Variants in PSD observed in about 807,000 individuals in gnomAD.
PSD encodes PH and SEC7 domain-containing protein 1.
In PSD, 32 loss-of-function variants were observed where a neutral mutation model predicts 91.6. That is an observed-to-expected ratio of 0.35 (90% CI 0.26 to 0.47). The LOEUF is 0.47. Among genes scored for constraint, PSD ranks in the 20% least tolerant of loss-of-function variants. PSD has a pLI of 1.00. For missense variants in PSD, 1,099 were observed against 1,373.9 expected (o/e 0.80, Z 3.16); for synonymous variants, 532 against 569.3 (o/e 0.93, Z 0.93).
rs942594301 is a variant in PSD at position 102,410,044 on chromosome 10, C to A, written c.2091+814G>T. The stretch of plus-strand genomic sequence containing the variant: ...CCATGGACGTTCCCTCTCAGATATA[C>A]CCCAAACTCAGAAGCCCAGCACCCC... On this transcript the variant is annotated intron_variant, in intron 10 of 16. Transcript: ENST00000020673. The surrounding 1 kb of genome is among the most constrained non-coding windows in gnomAD (Gnocchi z 6.0). Among the ~76,000 whole-genome samples the A allele has an allele frequency of 3.3e-5, 5 of 152,154 alleles. No homozygotes were observed. The highest frequency in any genetic ancestry group is 7.2e-5 in the African/African-American group (3 of 41,428).
In PSD at chr10:102,415,178, C is replaced by T. The variant is rs2061464336; in HGVS notation, c.809G>A (p.Arg270Lys). Residue 270 changes from arginine to lysine, a missense_variant, in exon 4 of 17, where the codon AGG becomes AAG. By Grantham distance (26) the Arg-to-Lys change is conservative. Around this residue, in one of 3 missense-constraint regions of PSD, gnomAD observed 631 missense variants for 728.8 expected, o/e 0.87. Transcript: ENST00000020673. ...CCCCACAGCCACCCCAGAGCCCTGCCTTGAGCCCACCCCAGGTGGAGATGG... is the reference window on the plus strand; with the variant it reads ...CCCCACAGCCACCCCAGAGCCCTGCTTTGAGCCCACCCCAGGTGGAGATGG... The part of the protein sequence containing the change: ...APPSPPGVGS[R>K]QGSGVAVGRA... 1.2e-6 allele frequency: 2 copies of T among 1,613,042 alleles called. No homozygotes were observed. The highest frequency in any genetic ancestry group is 1.7e-6 in the Non-Finnish European group (2 of 1,179,832).
intron 10 of PSD, chr10:102,408,877 C>T: frequency 1.0e-6 from 1 of 986,826 alleles, no homozygotes; most frequent in Non-Finnish European, 1.2e-6. Context: ...GCGTGGGCCG[C>T]GGCCCCAACG....
At chr10:102,418,916 T>G, upstream of PSD, 1 of 337,974 alleles carries the variant, frequency 3.0e-6, no homozygotes, top group South Asian at 2.0e-5. Flanking sequence ...CCCTTGTCGC[T>G]AGGTCCCCGC....
Position 102,410,803 on chromosome 10 carries a change from G to T in PSD, c.2091+55C>A. 1 of 1,189,420 alleles carries T rather than the reference G, an allele frequency of 8.4e-7. No homozygotes were observed. The highest frequency in any genetic ancestry group is 1.2e-5 in the South Asian group (1 of 82,866). The allele number at this position is 1,189,420 out of a possible 1,614,324, so 73.7% of individuals were successfully genotyped here. A position where few individuals can be genotyped will look rare whatever the true frequency, so the allele number is the denominator to read the frequency against. Reference sequence around the variant, plus strand: ...CCCTCCGACTCTGGACTCCGTCGCCGACTGGGTCCTCCATCCTTCCCCTCC... The same window carrying T: ...CCCTCCGACTCTGGACTCCGTCGCCTACTGGGTCCTCCATCCTTCCCCTCC... On this transcript the variant is annotated intron_variant, in intron 10 of 16. Transcript: ENST00000020673. This position sits in a 1 kb window ranked among gnomAD's most constrained non-coding sequence, Gnocchi z 6.0.
chr10:102,414,681 C>A lies in PSD; in HGVS notation c.1124+182G>T, dbSNP rs1028259570. On this transcript the variant is annotated intron_variant, in intron 4 of 16. Coordinates refer to ENST00000020673, the MANE Select transcript of PSD (RefSeq NM_002779.5). This position sits in a 1 kb window ranked among gnomAD's most constrained non-coding sequence, Gnocchi z 5.6. ...TAGAACCCCTGGCCTCTTTGCTCCC[C>A]ACATCCCCAGTGTTCTGCCAAGCCT... Among the ~76,000 whole-genome samples the A allele has an allele frequency of 2.0e-5, 3 of 152,218 alleles. No individual in the cohort carries two copies. Among genetic ancestry groups the A allele is most frequent in the African/African-American group, 7.2e-5 (3 of 41,446 alleles).
At position 102,410,421 on chromosome 10, in the gene PSD, G is replaced by A. The variant is rs2061413152; in HGVS notation, c.2091+437C>T. 6.6e-6 allele frequency among the ~76,000 whole-genome samples: 1 copy of A among 152,212 alleles called. No homozygotes were observed. Among genetic ancestry groups the A allele is most frequent in the Non-Finnish European group, 1.5e-5 (1 of 68,026 alleles). ...CAGGCCCCTCTCCCTCCGGGTTCCT[G>A]CAGCGCAGCAGCACCGGGAAGGTCT... On this transcript the variant is annotated intron_variant, in intron 10 of 16. Transcript: ENST00000020673. The surrounding 1 kb of genome is among the most constrained non-coding windows in gnomAD (Gnocchi z 6.0).
chr10:102,403,749 A>G lies in PSD; in HGVS notation c.2844+93T>C. On this transcript the variant is annotated intron_variant, in intron 16 of 16. Transcript: ENST00000020673. The surrounding 1 kb of genome is among the most constrained non-coding windows in gnomAD (Gnocchi z 6.7). ...AGGCTTAGGTTAAGCAACCTGCCCA[A>G]GGACCTCCGGCCGGTTCCACTGTTA... The G allele has an allele frequency of 6.8e-7, 1 of 1,471,130 alleles. No individual in the cohort carries two copies. Among genetic ancestry groups the G allele is most frequent in the Non-Finnish European group, 9.1e-7 (1 of 1,101,090 alleles). 91.1% of individuals were successfully genotyped at this position (1,471,130 alleles called of 1,614,324 possible). A position where few individuals can be genotyped will look rare whatever the true frequency, so the allele number is the denominator to read the frequency against.
rs1187167567 is a variant in PSD at position 102,411,684 on chromosome 10, C to T, written c.1942+23G>A. ...TTGCCACTGTGGCCAGCTAAGGACA[C>T]CCCTGCTCTCGGAACTCCTCACCCT... On this transcript the variant is annotated intron_variant, in intron 8 of 16. Transcript: ENST00000020673. The T allele has an allele frequency of 3.1e-6, 5 of 1,589,780 alleles. 1 individual carries two copies. The highest frequency in any genetic ancestry group is 2.7e-5 in the African/African-American group (2 of 74,372).
chr10:102,416,544 C>G lies in PSD; in HGVS notation c.495G>C (p.Ser165=). The change falls in exon 2 of 17, where the codon TCG becomes TCC. Residue 165 remains serine (S), a synonymous_variant. Coordinates refer to ENST00000020673, the MANE Select transcript of PSD (RefSeq NM_002779.5). This position sits in a 1 kb window ranked among gnomAD's most constrained non-coding sequence, Gnocchi z 6.0. ...TSDPLPARGG[S]ALPGSRNLVH... Reference sequence around the variant, plus strand: ...CAAGGTTCCGGCTGCCAGGTAGGGCCGAGCCTCCTCTGGCGGGGAGTGGGT... The same window carrying G: ...CAAGGTTCCGGCTGCCAGGTAGGGCGGAGCCTCCTCTGGCGGGGAGTGGGT... 6.2e-7 allele frequency: 1 copy of G among 1,607,670 alleles called. No individual in the cohort carries two copies. Among genetic ancestry groups the G allele is most frequent in the East Asian group, 2.2e-5 (1 of 44,830 alleles).
In PSD at chr10:102,409,582, G is replaced by C. The variant is rs2061404456; in HGVS notation, c.2091+1276C>G. On this transcript the variant is annotated intron_variant, in intron 10 of 16. Transcript: ENST00000020673. This position sits in a 1 kb window ranked among gnomAD's most constrained non-coding sequence, Gnocchi z 5.7. ...CTGCAGCCCTTTTCCACTGAGCCAA[G>C]AGGGGCCTCGAGGGAGGACGGAGGC... Among the ~76,000 whole-genome samples the C allele has an allele frequency of 6.6e-6, 1 of 152,098 alleles. No homozygotes were observed. Among genetic ancestry groups the C allele is most frequent in the Non-Finnish European group, 1.5e-5 (1 of 67,990 alleles).
chr10:102,405,432 A>C lies in PSD; in HGVS notation c.2240T>G (p.Leu747Arg). The C allele has an allele frequency of 6.2e-7, 1 of 1,613,632 alleles. No individual in the cohort carries two copies. The highest frequency in any genetic ancestry group is 8.5e-7 in the Non-Finnish European group (1 of 1,179,928). Reference protein sequence around the residue: ...GGSGSGSSPFLDLTPEPGAAV... With the variant: ...GGSGSGSSPFRDLTPEPGAAV... ...AGCCCCAGGCTCGGGAGTCAGGTCC[A>C]GGAAAGGGCTGGAGCCACTGCCACT... The change falls in exon 12 of 17, where the codon CTG (leucine) becomes CGG (arginine). Residue 747 changes from leucine (L) to arginine (R), a missense_variant. This residue lies in a region of PSD where 358 missense variants were observed against 426.5 expected (regional missense o/e 0.84). Transcript: ENST00000020673. This position sits in a 1 kb window ranked among gnomAD's most constrained non-coding sequence, Gnocchi z 5.4.
intron 1 of PSD, among the ~76,000 whole-genome samples, 162 bp downstream of exon 1, chr10:102,418,539 C>G (rs575038770): frequency 5.9e-5 from 9 of 152,238 alleles, no homozygotes; most frequent in Non-Finnish European, 1.2e-4. Context: ...AAGACAGATC[C>G]CGCCCAGGAG....
rs571611854 is a variant in PSD at position 102,415,202 on chromosome 10, G to A, written c.785C>T (p.Pro262Leu). 4 of 1,610,774 alleles carry A rather than the reference G, an allele frequency of 2.5e-6. No homozygotes were observed. Among genetic ancestry groups the A allele is most frequent in the Non-Finnish European group, 3.4e-6 (4 of 1,178,544 alleles). Reference protein sequence around the residue: ...SGAKPPEQAPPSPPGVGSRQG... With the variant: ...SGAKPPEQAPLSPPGVGSRQG... The stretch of plus-strand genomic sequence containing the variant: ...CCTTGAGCCCACCCCAGGTGGAGAT[G>A]GGGGGGCCTGCTCTGGGGGCTTAGC... Residue 262 changes from proline to leucine, a missense_variant, in exon 4 of 17, where the codon CCA (proline) becomes CTA (leucine). Coordinates refer to ENST00000020673, the MANE Select transcript of PSD (RefSeq NM_002779.5).
Position 102,414,296 on chromosome 10 carries a change from A to G in PSD, c.1125-99T>C. The G allele has an allele frequency of 8.4e-7, 1 of 1,194,328 alleles. No homozygotes were observed. Among genetic ancestry groups the G allele is most frequent in the Admixed American group, 2.4e-5 (1 of 41,202 alleles). The allele number at this position is 1,194,328 out of a possible 1,614,324, so 74.0% of individuals were successfully genotyped here. ...CACTGACTCTGCTAAGGGGATTATC[A>G]TCCCCTTTTCACTGGCTCCAGCCCA... On this transcript the variant is annotated intron_variant, in intron 4 of 16. Transcript: ENST00000020673. The surrounding 1 kb of genome is among the most constrained non-coding windows in gnomAD (Gnocchi z 5.6).
chr10:102,419,941 G>A, upstream of PSD: 2 of 287,730 alleles, frequency 7.0e-6, no homozygotes, highest in Non-Finnish European at 1.3e-5. The surrounding 1 kb of genome is among the most constrained non-coding windows in gnomAD (Gnocchi z 4.8). Context: ...TGCGGGGTGG[G>A]GAAACGTGGA....
chr10:102,403,180 T>A lies in PSD; in HGVS notation c.*20A>T, dbSNP rs750825878. On this transcript the variant is annotated 3_prime_UTR_variant, in exon 17 of 17. Coordinates refer to ENST00000020673, the MANE Select transcript of PSD (RefSeq NM_002779.5). The surrounding 1 kb of genome is among the most constrained non-coding windows in gnomAD (Gnocchi z 6.7). ...CATCCTTCAGGTGCCCAGCAGGCAC[T>A]CCCCACCCTAAACCTCATCTCAGGG... 7.4e-6 allele frequency: 11 copies of A among 1,482,992 alleles called. No individual in the cohort carries two copies. The highest frequency in any genetic ancestry group is 9.9e-6 in the Non-Finnish European group (11 of 1,110,694). 91.9% of individuals were successfully genotyped at this position (1,482,992 alleles called of 1,614,324 possible).
rs750006400 is a variant in PSD, at chr10:102,415,156, C to T, written c.831G>A (p.Val277=). Residue 277 remains valine (V), a synonymous_variant, in exon 4 of 17, where the codon GTG becomes GTA. Coordinates refer to ENST00000020673, the MANE Select transcript of PSD (RefSeq NM_002779.5). ...VGSRQGSGVA[V]GRAAKYSETD... is the part of the protein sequence containing the mutation. Reference sequence around the variant, plus strand: ...TCTCGGAGTACTTGGCTGCTCGCCCCACAGCCACCCCAGAGCCCTGCCTTG... The same window carrying T: ...TCTCGGAGTACTTGGCTGCTCGCCCTACAGCCACCCCAGAGCCCTGCCTTG... 6.2e-7 allele frequency: 1 copy of T among 1,613,470 alleles called. No homozygotes were observed. The highest frequency in any genetic ancestry group is 1.1e-5 in the South Asian group (1 of 91,090).
In PSD at chr10:102,409,146, C is replaced by T. The variant is rs909175027; in HGVS notation, c.2091+1712G>A. 6.1e-6 allele frequency: 6 copies of T among 980,560 alleles called. No individual in the cohort carries two copies. In the African/African-American group the frequency reaches 1.1e-4, roughly 17 times the overall value. The allele number at this position is 980,560 out of a possible 1,614,324, so 60.7% of individuals were successfully genotyped here. A position where few individuals can be genotyped will look rare whatever the true frequency, so the allele number is the denominator to read the frequency against. On this transcript the variant is annotated intron_variant, in intron 10 of 16. Transcript: ENST00000020673. This position sits in a 1 kb window ranked among gnomAD's most constrained non-coding sequence, Gnocchi z 5.7. Reference sequence around the variant, plus strand: ...CGGCCATGCCCCCGTCCGCCCTCGGCCCCCGGGCCGCCCGGACGGCCCGCG... The same window carrying T: ...CGGCCATGCCCCCGTCCGCCCTCGGTCCCCGGGCCGCCCGGACGGCCCGCG...
At chr10:102,406,679 TTG>T (rs1226315822) in intron 11 of PSD, among the ~76,000 whole-genome samples, 2 of 152,146 alleles carry the variant, frequency 1.3e-5, no homozygotes, top group Non-Finnish European at 2.9e-5. Context: ...GGCTAATTTT[TTG>T]TGTTTTTAGT....
Sources: allele counts gnomAD v4.1 joint callset (sites outside exome capture counted in the v4.1 genomes callset), GRCh38; gene constraint gnomAD v4.1.1; regional missense constraint gnomAD v4.1.1; non-coding constraint Gnocchi (gnomAD v3.1); transcripts MANE v1.5; gene names NCBI Gene and HGNC (gene_info 2026-07-23, HGNC 2026-07-21).